Variants in WNK2 observed in about 807,000 individuals in gnomAD.
WNK2 encodes the protein serine/threonine-protein kinase WNK2.
WNK2 carries 67 observed loss-of-function variants against 192.1 expected under a neutral mutation model. The ratio of observed to expected loss-of-function variants is 0.35; its 90% CI spans 0.29 to 0.43. The LOEUF (loss-of-function observed/expected upper bound fraction) is 0.43, where lower values mean the gene tolerates loss of function less well. Ranked by LOEUF, WNK2 falls within the 20% of genes least tolerant of loss-of-function variation. The probability of loss-of-function intolerance (pLI) is 1.00; values close to 1 mark genes in which losing one functional copy is unlikely to be tolerated. For missense variants in WNK2, 2,698 were observed against 3,089.7 expected (o/e 0.87, Z 3.01); for synonymous variants, 1,439 against 1,393.9 (o/e 1.03, Z -0.72).
chr9:93,209,456 G>A (rs1337402485), intron 2 of WNK2, among the ~76,000 whole-genome samples: 3 of 152,186 alleles, frequency 2.0e-5, no homozygotes, highest in Admixed American at 6.5e-5. Context: ...GCAGCCTGAG[G>A]TGGACCTCAG....
chr9:93,199,032 A>G (rs992440395), intron 2 of WNK2, among the ~76,000 whole-genome samples: 3 of 152,144 alleles, frequency 2.0e-5, no homozygotes, highest in Non-Finnish European at 2.9e-5. Flanking sequence ...GGCCCCCTCC[A>G]GCTGGACCCA....
intron 23 of WNK2, among the ~76,000 whole-genome samples, chr9:93,294,864 T>G (rs1849981514): frequency 6.6e-6 from 1 of 152,040 alleles, no homozygotes; most frequent in South Asian, 2.1e-4. Flanking sequence ...GGGAGGGCCG[T>G]GGAGTCCAGA....
In WNK2 at chr9:93,215,184, C is replaced by T. The variant is rs150220689; in HGVS notation, c.682-14512C>T. Among the ~76,000 whole-genome samples the T allele has an allele frequency of 7.3e-3, 1,108 of 152,046 alleles. 13 individuals carry two copies. The highest frequency in any genetic ancestry group is 0.025 in the African/African-American group (1,052 of 41,460). On this transcript the variant is annotated intron_variant, in intron 2 of 29. Transcript: ENST00000427277. Reference sequence around the variant, plus strand: ...TTGCCCAGGCTGGAGTGCAGTGGCGCGATCTCGGCTCACTGCAAACTCTGC... The same window carrying T: ...TTGCCCAGGCTGGAGTGCAGTGGCGTGATCTCGGCTCACTGCAAACTCTGC...
Position 93,185,063 on chromosome 9 carries a change from G to T in WNK2, c.134G>T (p.Ser45Ile). 7.6e-7 allele frequency: 1 copy of T among 1,310,642 alleles called. No homozygotes were observed. The highest frequency in any genetic ancestry group is 9.7e-7 in the Non-Finnish European group (1 of 1,028,242). 81.2% of individuals were successfully genotyped at this position (1,310,642 alleles called of 1,614,324 possible). ...RPGPQRFLRR[S>I]VVESDQEEPP... is the part of the protein sequence containing the mutation. ...GGGCCCCAGCGCTTTCTGCGGCGCAGCGTGGTAGAGTCGGACCAGGAGGAG... is the reference window on the plus strand; with the variant it reads ...GGGCCCCAGCGCTTTCTGCGGCGCATCGTGGTAGAGTCGGACCAGGAGGAG... Residue 45 changes from serine to isoleucine, a missense_variant, in exon 2 of 30, where the codon AGC becomes ATC. By Grantham distance (142) the Ser-to-Ile change is moderately radical. This residue lies in a region of WNK2 where 260 missense variants were observed against 285.6 expected (regional missense o/e 0.91). Transcript: ENST00000427277.
At chr9:93,246,742 C>T (rs1282142343) in intron 7 of WNK2, among the ~76,000 whole-genome samples, 1 of 152,240 alleles carries the variant, frequency 6.6e-6, no homozygotes. Context: ...CGCCCTACTG[C>T]AGAGGCCTGG....
chr9:93,262,160 G>T, intron 13 of WNK2, 53 bp downstream of exon 13: 1 of 1,521,864 alleles, frequency 6.6e-7, no homozygotes, highest in Non-Finnish European at 8.8e-7. Context: ...GCGGCCACCG[G>T]GGATCTGCAT....
At chr9:93,207,412 G>C (rs1833595202) in intron 2 of WNK2, among the ~76,000 whole-genome samples, 1 of 152,222 alleles carries the variant, frequency 6.6e-6, no homozygotes, top group Admixed American at 6.5e-5. Context: ...CTCCTGAGGA[G>C]GGTGAGCATC....
intron 4 of WNK2, among the ~76,000 whole-genome samples, chr9:93,231,491 G>A (rs1217095670): frequency 1.3e-5 from 2 of 152,238 alleles, no homozygotes; most frequent in East Asian, 3.9e-4. Flanking sequence ...CGTGGTGTGT[G>A]TGGGCACTGT....
At chr9:93,215,020 C>T (rs1835488877) in intron 2 of WNK2, among the ~76,000 whole-genome samples, 1 of 151,718 alleles carries the variant, frequency 6.6e-6, no homozygotes, top group East Asian at 1.9e-4. Flanking sequence ...GTAGCTGGAA[C>T]TGCAGGCATG....
chr9:93,240,505 T>C (rs1840581300), intron 7 of WNK2, among the ~76,000 whole-genome samples: 1 of 152,002 alleles, frequency 6.6e-6, no homozygotes, highest in Non-Finnish European at 1.5e-5. Context: ...GCTCTGTGGA[T>C]GAGGAGTGGG....
At chr9:93,208,082 C>T (rs1045182661) in intron 2 of WNK2, among the ~76,000 whole-genome samples, 4 of 152,202 alleles carry the variant, frequency 2.6e-5, no homozygotes, top group African/African-American at 9.7e-5. Flanking sequence ...AATAATGCTG[C>T]AGTGACGATT....
intron 19 of WNK2, among the ~76,000 whole-genome samples, chr9:93,279,079 G>A (rs1847355493): frequency 6.6e-6 from 1 of 152,198 alleles, no homozygotes; most frequent in Admixed American, 6.5e-5. Flanking sequence ...AGGTGAGGAT[G>A]TCTGTTCTTC....
intron 19 of WNK2, among the ~76,000 whole-genome samples, chr9:93,278,466 G>C (rs1847267773): frequency 6.6e-6 from 1 of 152,172 alleles, no homozygotes; most frequent in Non-Finnish European, 1.5e-5. Flanking sequence ...ATAATTCAAG[G>C]GGTTTTGGGT....
chr9:93,231,587 C>T lies in WNK2; in HGVS notation c.1075+479C>T, dbSNP rs926419710. On this transcript the variant is annotated intron_variant, in intron 4 of 29. Transcript: ENST00000427277. ...TGACGCTGGAGCTCCCAGTGTCACC[C>T]GGGCTGTGAGGCCCAAGGAAGTGAG... Among the ~76,000 whole-genome samples the T allele has an allele frequency of 3.9e-5, 6 of 152,160 alleles. No individual in the cohort carries two copies. In the East Asian group the frequency reaches 5.8e-4, roughly 15 times the overall value.
chr9:93,203,432 G>A (rs1832828792), intron 2 of WNK2, among the ~76,000 whole-genome samples: 3 of 152,178 alleles, frequency 2.0e-5, no homozygotes, highest in African/African-American at 7.2e-5. Context: ...AAGAAAAAGC[G>A]AATGAGAACA....
rs1843751318 is a variant in WNK2 at position 93,259,005 on chromosome 9, C to T, written c.2457C>T (p.Asp819=). Residue 819 remains aspartate, a synonymous_variant, in exon 12 of 30, where the codon GAC becomes GAT. Coordinates refer to ENST00000427277, the MANE Select transcript of WNK2 (RefSeq NM_006648.4). This position sits in a 1 kb window ranked among gnomAD's most constrained non-coding sequence, Gnocchi z 4.8. ...ACGGCCTCCCTCCGGCCCTCCCAGACCTGCCGACCGCGACTGTGCCTCCCG... is the reference window on the plus strand; with the variant it reads ...ACGGCCTCCCTCCGGCCCTCCCAGATCTGCCGACCGCGACTGTGCCTCCCG... The part of the protein sequence containing the change: ...GIDGLPPALP[D]LPTATVPPVP... 2 of 1,612,860 alleles carry T rather than the reference C, an allele frequency of 1.2e-6. No individual in the cohort carries two copies. Among genetic ancestry groups the T allele is most frequent in the African/African-American group, 1.3e-5 (1 of 74,866 alleles).
At chr9:93,261,757 C>T (rs1391579843) in intron 12 of WNK2, 57 bp from the exon 13 acceptor site, 3 of 1,535,546 alleles carry the variant, frequency 2.0e-6, no homozygotes, top group Non-Finnish European at 2.6e-6. Flanking sequence ...CTGGGCACGG[C>T]CCCCTCAGTG....
At chr9:93,243,305 C>T (rs966898253) in intron 7 of WNK2, among the ~76,000 whole-genome samples, 1 of 152,166 alleles carries the variant, frequency 6.6e-6, no homozygotes. Context: ...TCCCTGCCCC[C>T]GCCCTCCTGC....
intron 23 of WNK2, among the ~76,000 whole-genome samples, chr9:93,293,778 C>T (rs1224293716): frequency 6.6e-6 from 1 of 152,020 alleles, no homozygotes; most frequent in African/African-American, 2.4e-5. Context: ...CATGTGTCTT[C>T]CTCACCCTGT....
Sources: allele counts gnomAD v4.1 joint callset (sites outside exome capture counted in the v4.1 genomes callset), GRCh38; gene constraint gnomAD v4.1.1; regional missense constraint gnomAD v4.1.1; non-coding constraint Gnocchi (gnomAD v3.1); transcripts MANE v1.5; gene names NCBI Gene and HGNC (gene_info 2026-07-23, HGNC 2026-07-21).